Variants in DIAPH3 observed in about 807,000 individuals in gnomAD.
DIAPH3 encodes diaphanous related formin 3.
Under a neutral mutation model 144.3 loss-of-function variants are expected in DIAPH3, and 117 were observed. The observed-to-expected ratio is 0.81, with a 90% confidence interval of 0.70 to 0.95. The LOEUF (loss-of-function observed/expected upper bound fraction) is 0.95. DIAPH3 is among the 40% of genes least tolerant of loss of function. DIAPH3 has a pLI of 0.00. For synonymous variants in DIAPH3, 519 were observed against 488.9 expected, an observed-to-expected ratio of 1.06 and a Z score of -0.81; for missense variants, 1,421 against 1,412.7, an observed-to-expected ratio of 1.01 and a Z score of -0.09.
chr13:60,041,307 C>G (rs754896327), intron 5 of DIAPH3, among the ~76,000 whole-genome samples: 1 of 152,174 alleles, frequency 6.6e-6, no homozygotes, highest in Non-Finnish European at 1.5e-5. Context: ...ATCAACAAAT[C>G]TTTATGGAGC....
chr13:60,083,906 CAGATGGATGGATGGATGGATGGAT>C (rs1225277909), intron 4 of DIAPH3, among the ~76,000 whole-genome samples: 9 of 125,266 alleles, frequency 7.2e-5, no homozygotes, highest in East Asian at 2.5e-4. Context: ...TATGGATGGA[CAGATGGATGGATGGATGGATGGAT>C]GGATGGATGG....
At chr13:59,758,267 G>T (rs1036454318) in intron 27 of DIAPH3, among the ~76,000 whole-genome samples, 7 of 152,142 alleles carry the variant, frequency 4.6e-5, no homozygotes, top group Non-Finnish European at 7.3e-5. Context: ...TCTTAGCCAT[G>T]TTATTTGTAA....
intron 27 of DIAPH3, among the ~76,000 whole-genome samples, chr13:59,709,448 A>G (rs1176061824): frequency 6.6e-6 from 1 of 152,184 alleles, no homozygotes; most frequent in Non-Finnish European, 1.5e-5. Flanking sequence ...ATGAACAGAC[A>G]CTTCTCAAAA....
chr13:60,025,391 T>C (rs529862050), intron 5 of DIAPH3, among the ~76,000 whole-genome samples: 6 of 129,890 alleles, frequency 4.6e-5, no homozygotes, highest in Non-Finnish European at 9.4e-5. Flanking sequence ...CCAGTATTTC[T>C]AGTTGTGCTT....
intron 27 of DIAPH3, among the ~76,000 whole-genome samples, chr13:59,757,415 T>TGAGA (rs2037338094): frequency 6.9e-6 from 1 of 144,086 alleles, no homozygotes; most frequent in Non-Finnish European, 1.5e-5. Flanking sequence ...TTTTTTTTTT[T>TGAGA]TTTGAGATGG....
chr13:60,045,376 C>T (rs952521620), intron 4 of DIAPH3, among the ~76,000 whole-genome samples: 4 of 151,970 alleles, frequency 2.6e-5, no homozygotes, highest in Non-Finnish European at 5.9e-5. Flanking sequence ...ATAAATTACC[C>T]AGTCTCAGGT....
At chr13:59,791,513 C>T (rs2039322930) in intron 25 of DIAPH3, among the ~76,000 whole-genome samples, 1 of 152,088 alleles carries the variant, frequency 6.6e-6, no homozygotes, top group Admixed American at 6.5e-5. Flanking sequence ...GTGCCCAAAG[C>T]CCTGCCATAG....
chr13:59,972,794 CACT>C (rs1418361663), intron 15 of DIAPH3, among the ~76,000 whole-genome samples: 4 of 152,264 alleles, frequency 2.6e-5, no homozygotes, highest in African/African-American at 9.6e-5. Flanking sequence ...GGAGGCCAGA[CACT>C]GTGACTATCT....
intron 17 of DIAPH3, among the ~76,000 whole-genome samples, chr13:59,962,220 C>T (rs759489385): frequency 6.6e-6 from 1 of 152,024 alleles, no homozygotes; most frequent in African/African-American, 2.4e-5. Context: ...ACCTTTTTTG[C>T]CAAAGACCCC....
chr13:60,065,003 C>G (rs1400811452), intron 4 of DIAPH3, among the ~76,000 whole-genome samples: 3 of 152,098 alleles, frequency 2.0e-5, no homozygotes, highest in East Asian at 3.9e-4. Flanking sequence ...AGTCACAACA[C>G]TTATTAACTT....
chr13:60,105,769 G>T (rs1278289642), intron 3 of DIAPH3, among the ~76,000 whole-genome samples: 1 of 152,120 alleles, frequency 6.6e-6, no homozygotes, highest in African/African-American at 2.4e-5. Flanking sequence ...CACGATATAG[G>T]AAAGTAGATT....
intron 17 of DIAPH3, 128 bp from the exon 18 acceptor site, chr13:59,924,998 CAAAT>C: frequency 7.0e-7 from 1 of 1,427,374 alleles, no homozygotes. Context: ...GTTATAAAAA[CAAAT>C]AAAACGATAG....
At chr13:59,982,940 C>A (rs1024010364) in intron 13 of DIAPH3, among the ~76,000 whole-genome samples, 1 of 151,398 alleles carries the variant, frequency 6.6e-6, no homozygotes, top group Non-Finnish European at 1.5e-5. Context: ...AACCTGTCAG[C>A]CTAAAAGCAG....
intron 5 of DIAPH3, among the ~76,000 whole-genome samples, chr13:60,040,308 AATG>A (rs1332032829): frequency 1.3e-5 from 2 of 151,192 alleles, no homozygotes; most frequent in African/African-American, 2.4e-5. Flanking sequence ...AAAATTCTCC[AATG>A]ATATTTTCTA....
chr13:59,913,173 T>C (rs1288812907), intron 19 of DIAPH3, among the ~76,000 whole-genome samples: 1 of 152,196 alleles, frequency 6.6e-6, no homozygotes, highest in African/African-American at 2.4e-5. Context: ...CAAATCCCCC[T>C]GAATATCTCA....
At chr13:59,792,948 C>G (rs75681659) in intron 25 of DIAPH3, among the ~76,000 whole-genome samples, 166 of 152,306 alleles carry the variant, frequency 1.1e-3, no homozygotes, top group African/African-American at 3.8e-3. Context: ...ATTCTTAATG[C>G]TATTCAGCAC....
intron 25 of DIAPH3, among the ~76,000 whole-genome samples, chr13:59,797,108 G>A (rs941364248): frequency 5.3e-5 from 8 of 152,048 alleles, no homozygotes; most frequent in Non-Finnish European, 1.0e-4. Context: ...TGTATATAAT[G>A]TCAATAGTTT....
chr13:60,109,408 C>T (rs55938692), intron 3 of DIAPH3, among the ~76,000 whole-genome samples: 4,726 of 151,884 alleles, frequency 0.031, 137 homozygotes, highest in East Asian at 0.1. Context: ...AGCAAGTGCT[C>T]ATTCCTTCCC....
chr13:59,918,813 G>A (rs898922362), intron 18 of DIAPH3, among the ~76,000 whole-genome samples: 5 of 151,954 alleles, frequency 3.3e-5, no homozygotes, highest in African/African-American at 9.7e-5. Context: ...AAGACAATCA[G>A]GGAAACATGA....
Sources: gnomAD v4.1 joint callset for allele counts (sites outside exome capture counted in the v4.1 genomes callset) on GRCh38, gnomAD v4.1.1 for gene constraint, MANE v1.5 for transcripts, NCBI Gene and HGNC (gene_info 2026-07-23, HGNC 2026-07-21) for gene names.